SRD5A1: variants seen among roughly 807,000 people sequenced by gnomAD.
SRD5A1 encodes steroid 5 alpha-reductase 1.
A neutral mutation model predicts 28.2 loss-of-function variants in SRD5A1; 22 were observed. The observed-to-expected ratio is 0.78, with a 90% CI of 0.56 to 1.12. The LOEUF (loss-of-function observed/expected upper bound fraction) is 1.12. Among genes scored for constraint, SRD5A1 ranks in the 50% most tolerant of loss-of-function variants. SRD5A1 has a pLI of 0.00. For synonymous variants in SRD5A1, 151 were observed against 135.0 expected, an observed-to-expected ratio of 1.12 and a Z score of -0.82; for missense variants, 300 against 346.7, an observed-to-expected ratio of 0.87 and a Z score of 1.07.
chr5:6,671,080 C>T lies in SRD5A1; in HGVS notation c.*2812C>T, dbSNP rs1310715318. The T allele has an allele frequency of 6.6e-6, 1 of 152,188 alleles. No individual in the cohort carries two copies. Among genetic ancestry groups the T allele is most frequent in the Non-Finnish European group, 1.5e-5 (1 of 68,032 alleles). 9.4% of individuals were successfully genotyped at this position (152,188 alleles called of 1,614,324 possible). Reference sequence around the variant, plus strand: ...TACTTTTAGTTCTAAGGAATTTCCACACTGTTTTCCATGGTGGCTCTAATA... The same window carrying T: ...TACTTTTAGTTCTAAGGAATTTCCATACTGTTTTCCATGGTGGCTCTAATA... On this transcript the variant is annotated 3_prime_UTR_variant, in exon 5 of 5. Transcript: ENST00000274192.
intron 3 of SRD5A1, among the ~76,000 whole-genome samples, chr5:6,658,322 CTAAAAAAAA>C (rs912469179): frequency 4.0e-5 from 6 of 151,798 alleles, no homozygotes; most frequent in South Asian, 4.2e-4. Flanking sequence ...GAGACTCTGT[CTAAAAAAAA>C]TAAAAAAAAT....
At chr5:6,651,201 T>G (rs1462186848) in intron 1 of SRD5A1, among the ~76,000 whole-genome samples, 1 of 152,164 alleles carries the variant, frequency 6.6e-6, no homozygotes, top group Non-Finnish European at 1.5e-5. Context: ...TTACTTAGAC[T>G]AGGACTAGTT....
At chr5:6,655,559 T>A (rs8192203) in intron 2 of SRD5A1, among the ~76,000 whole-genome samples, 2,105 of 152,300 alleles carry the variant, frequency 0.014, 25 homozygotes, top group Middle Eastern at 0.024. Context: ...ATTAATTTGT[T>A]TAAATGAGGT....
chr5:6,655,814 T>C (rs1211485821), intron 2 of SRD5A1, among the ~76,000 whole-genome samples: 1 of 152,212 alleles, frequency 6.6e-6, no homozygotes, highest in Non-Finnish European at 1.5e-5. Context: ...TCCATACTTG[T>C]CATCCTGAAG....
chr5:6,641,890 C>A (rs1738371164), intron 1 of SRD5A1, among the ~76,000 whole-genome samples: 1 of 152,134 alleles, frequency 6.6e-6, no homozygotes, highest in Admixed American at 6.5e-5. Context: ...GTGCCCTGAG[C>A]AAGTTGATGT....
chr5:6,673,862 A>G lies in SRD5A1; in HGVS notation c.*5594A>G, dbSNP rs1238398628. The G allele has an allele frequency of 6.6e-6, 1 of 152,228 alleles. No homozygotes were observed. The highest frequency in any genetic ancestry group is 1.5e-5 in the Non-Finnish European group (1 of 68,034). 9.4% of individuals were successfully genotyped at this position (152,228 alleles called of 1,614,324 possible). A position where few individuals can be genotyped will look rare whatever the true frequency, so the allele number is the denominator to read the frequency against. On this transcript the variant is annotated 3_prime_UTR_variant, in exon 5 of 5. Transcript: ENST00000274192. ...TGGTAAGTGAAAAAAGCCAGTTTGC[A>G]AAGGCTAGATACTATATGATCCCAA...
At chr5:6,637,755 G>GCA (rs8192149) in intron 1 of SRD5A1, among the ~76,000 whole-genome samples, 29,229 of 152,120 alleles carry the variant, frequency 0.19, 3,016 homozygotes, top group African/African-American at 0.23. Flanking sequence ...TGCCCAGAGT[G>GCA]CACAGTCAGA....
rs937741122 is a variant in SRD5A1, at chr5:6,672,808, T to C, written c.*4540T>C. 6.6e-6 allele frequency: 1 copy of C among 152,372 alleles called. No individual in the cohort carries two copies. The highest frequency in any genetic ancestry group is 1.9e-4 in the East Asian group (1 of 5,196). The allele number at this position is 152,372 out of a possible 1,614,324, so 9.4% of individuals were successfully genotyped here. A position where few individuals can be genotyped will look rare whatever the true frequency, so the allele number is the denominator to read the frequency against. ...GCAAGTACAGACCCTATGTTTAACT[T>C]CTTTTATTCAACAGAATTAAAAAAC... On this transcript the variant is annotated 3_prime_UTR_variant, in exon 5 of 5. Transcript: ENST00000274192.
At chr5:6,652,892 A>C (rs1350468972) in intron 2 of SRD5A1, among the ~76,000 whole-genome samples, 1 of 151,668 alleles carries the variant, frequency 6.6e-6, no homozygotes, top group Non-Finnish European at 1.5e-5. Context: ...AAAAAAAAAA[A>C]ACTCAGGGAT....
chr5:6,642,587 C>T (rs1738397118), intron 1 of SRD5A1, among the ~76,000 whole-genome samples: 1 of 152,202 alleles, frequency 6.6e-6, no homozygotes, highest in Admixed American at 6.5e-5. Flanking sequence ...TTTGATATGA[C>T]TTGTGATTGG....
intron 2 of SRD5A1, among the ~76,000 whole-genome samples, chr5:6,652,744 G>A (rs746090556): frequency 2.0e-5 from 3 of 151,832 alleles, no homozygotes; most frequent in Non-Finnish European, 4.4e-5. Context: ...ATGGTGACAC[G>A]CACCATGGTC....
chr5:6,637,267 A>G (rs531241), intron 1 of SRD5A1, among the ~76,000 whole-genome samples: 85,960 of 151,896 alleles, frequency 0.57, 24,603 homozygotes, highest in African/African-American at 0.62. Flanking sequence ...CTGCTCTGTG[A>G]TTACAGTGAC....
chr5:6,638,612 T>C (rs1490880352), intron 1 of SRD5A1, among the ~76,000 whole-genome samples: 1 of 152,258 alleles, frequency 6.6e-6, no homozygotes, highest in Non-Finnish European at 1.5e-5. Context: ...CATCTCAGCC[T>C]GATGGCCTTC....
intron 4 of SRD5A1, among the ~76,000 whole-genome samples, chr5:6,666,805 G>T (rs1054889783): frequency 6.6e-6 from 1 of 152,258 alleles, no homozygotes; most frequent in Non-Finnish European, 1.5e-5. Context: ...TGGTGGGGGG[G>T]CGCGTTTTCT....
At chr5:6,641,430 C>T (rs548688430) in intron 1 of SRD5A1, among the ~76,000 whole-genome samples, 2 of 152,304 alleles carry the variant, frequency 1.3e-5, no homozygotes, top group South Asian at 2.1e-4. Context: ...AGGGGCAGAG[C>T]GCTTCCTTGG....
intron 1 of SRD5A1, among the ~76,000 whole-genome samples, chr5:6,638,632 T>G (rs1187246871): frequency 6.6e-6 from 1 of 152,260 alleles, no homozygotes; most frequent in African/African-American, 2.4e-5. Flanking sequence ...CTAATTAATT[T>G]GTTTTAATAA....
At chr5:6,641,928 A>C (rs1321268115) in intron 1 of SRD5A1, among the ~76,000 whole-genome samples, 2 of 152,154 alleles carry the variant, frequency 1.3e-5, no homozygotes, top group African/African-American at 4.8e-5. Flanking sequence ...AATATAACAC[A>C]CTTGTGCTAA....
chr5:6,659,955 C>G lies in SRD5A1; in HGVS notation c.563-2861C>G, dbSNP rs190294054. Among the ~76,000 whole-genome samples, 4 of 152,296 alleles carry G rather than the reference C, an allele frequency of 2.6e-5. No individual in the cohort carries two copies. In the East Asian group the frequency reaches 7.7e-4, roughly 29 times the overall value. ...TGACACATTGATGGTTTCTAATACA[C>G]AGGTGTGCCGTCTACATCCAGTGAC... On this transcript the variant is annotated intron_variant, in intron 3 of 4. Coordinates refer to ENST00000274192, the MANE Select transcript of SRD5A1 (RefSeq NM_001047.4).
chr5:6,658,180 C>T (rs1426522745), intron 3 of SRD5A1, among the ~76,000 whole-genome samples: 2 of 152,116 alleles, frequency 1.3e-5, no homozygotes, highest in African/African-American at 4.8e-5. Flanking sequence ...CAAAAATTAG[C>T]TGGGCGTGGT....
Sources: allele counts gnomAD v4.1 joint callset (sites outside exome capture counted in the v4.1 genomes callset), GRCh38; gene constraint gnomAD v4.1.1; transcripts MANE v1.5; gene names NCBI Gene and HGNC (gene_info 2026-07-23, HGNC 2026-07-21).